The following CPE variants were observed in gnomAD, a reference collection of about 807,000 sequenced individuals.
CPE encodes the protein carbocypeptidase E.
In CPE, 17 loss-of-function variants were observed where a neutral mutation model predicts 53.5. That is an observed-to-expected ratio of 0.32 (90% CI 0.22 to 0.48). The LOEUF is 0.48. Among genes scored for constraint, CPE ranks in the 20% least tolerant of loss-of-function variants. The pLI is 0.99. For missense variants in CPE, 524 were observed against 614.7 expected, an observed-to-expected ratio of 0.85 and a Z score of 1.56; for synonymous variants, 226 against 228.8, an observed-to-expected ratio of 0.99 and a Z score of 0.11.
At chr4:165,456,607 C>G (rs1359095688) in intron 1 of CPE, among the ~76,000 whole-genome samples, 1 of 151,976 alleles carries the variant, frequency 6.6e-6, no homozygotes, top group Non-Finnish European at 1.5e-5. Context: ...TGCTCTGTCG[C>G]CCAGGCTGGA....
intron 4 of CPE, 32 bp downstream of exon 4, chr4:165,482,391 C>A: frequency 2.1e-6 from 3 of 1,449,290 alleles, no homozygotes; most frequent in South Asian, 1.1e-5. Flanking sequence ...CTTATTGGTT[C>A]AAAGTTTATA....
chr4:165,440,112 A>ATG (rs1250972673), intron 1 of CPE, among the ~76,000 whole-genome samples: 2 of 152,048 alleles, frequency 1.3e-5, no homozygotes. Context: ...AACATTGTGC[A>ATG]TGTGTGTGTG....
At chr4:165,419,087 C>T (rs1436674307) in intron 1 of CPE, among the ~76,000 whole-genome samples, 1 of 152,154 alleles carries the variant, frequency 6.6e-6, no homozygotes, top group African/African-American at 2.4e-5. Flanking sequence ...AGGGTTTTTA[C>T]AACTCTTTTC....
intron 5 of CPE, among the ~76,000 whole-genome samples, chr4:165,487,138 T>C (rs1456706444): frequency 6.6e-6 from 1 of 152,212 alleles, no homozygotes; most frequent in Middle Eastern, 3.2e-3. Context: ...TCTTTTACCC[T>C]GTTGTCTTCT....
chr4:165,408,113 T>C (rs1394740306), intron 1 of CPE, among the ~76,000 whole-genome samples: 1 of 152,246 alleles, frequency 6.6e-6, no homozygotes, highest in Non-Finnish European at 1.5e-5. Context: ...GTGTGTTGTC[T>C]CCTTACTTTC....
At chr4:165,424,878 A>AATTTTTT (rs1579255242) in intron 1 of CPE, among the ~76,000 whole-genome samples, 1 of 109,830 alleles carries the variant, frequency 9.1e-6, no homozygotes. Flanking sequence ...AAAAGTAGAA[A>AATTTTTT]CTTTTTTTTT....
chr4:165,401,274 A>G (rs1359137665), intron 1 of CPE, among the ~76,000 whole-genome samples: 1 of 152,196 alleles, frequency 6.6e-6, no homozygotes, highest in Non-Finnish European at 1.5e-5. Flanking sequence ...CTCACTCATA[A>G]CAACAGGTGC....
rs1263608800 is a variant in CPE at position 165,481,051 on chromosome 4, C to A, written c.673-1191C>A. On this transcript the variant is annotated intron_variant, in intron 3 of 8. Coordinates refer to ENST00000402744, the MANE Select transcript of CPE (RefSeq NM_001873.4). ...TTTTTTTTAGCAAAAATAAGATCTA[C>A]CAACCAAATGAAAAATAATAAAAAC... Among the ~76,000 whole-genome samples, 5 of 136,736 alleles carry A rather than the reference C, an allele frequency of 3.7e-5. No individual in the cohort carries two copies. In the Admixed American group the frequency reaches 3.9e-4, roughly 11 times the overall value. 89.7% of individuals were successfully genotyped at this position (136,736 alleles called of 152,430 possible).
Position 165,414,708 on chromosome 4 carries a change from CACAT to C in CPE, c.307+35184_307+35187del, listed in dbSNP as rs1221603715. ...TAATATATATATATACACACACACA[CACAT>C]ACACACACACACATATTTACATATA... On this transcript the variant is annotated intron_variant, in intron 1 of 8. Transcript: ENST00000402744. Among the ~76,000 whole-genome samples, 4 of 145,746 alleles carry C rather than the reference CACAT, an allele frequency of 2.7e-5. No homozygotes were observed. In the East Asian group the frequency reaches 8.1e-4, roughly 29 times the overall value.
chr4:165,453,940 GA>G (rs1348527498), intron 1 of CPE, among the ~76,000 whole-genome samples: 3 of 151,816 alleles, frequency 2.0e-5, no homozygotes, highest in African/African-American at 7.3e-5. Context: ...CTCACTTTTT[GA>G]AATGCAAGCA....
At chr4:165,466,775 C>A (rs952620899) in intron 2 of CPE, among the ~76,000 whole-genome samples, 1 of 152,176 alleles carries the variant, frequency 6.6e-6, no homozygotes, top group Non-Finnish European at 1.5e-5. Flanking sequence ...CTTGGCCTCT[C>A]AAAGTGCTGG....
At chr4:165,458,429 C>A (rs1731938923) in intron 1 of CPE, among the ~76,000 whole-genome samples, 1 of 152,160 alleles carries the variant, frequency 6.6e-6, no homozygotes, top group Admixed American at 6.5e-5. Context: ...AAATATATAA[C>A]TTCCAAATGA....
At position 165,462,418 on chromosome 4, in the gene CPE, A is replaced by T. The variant is rs115317291; in HGVS notation, c.308-1972A>T. ...TGTGGGCCAAGCTTTATTGAGTGAC[A>T]TGAAGCTTCAAAGTTGTTTTGGGGA... On this transcript the variant is annotated intron_variant, in intron 1 of 8. Coordinates refer to ENST00000402744, the MANE Select transcript of CPE (RefSeq NM_001873.4). 7.7e-3 allele frequency among the ~76,000 whole-genome samples: 1,165 copies of T among 152,282 alleles called. 9 individuals carry two copies. Among genetic ancestry groups the T allele is most frequent in the African/African-American group, 0.027 (1,112 of 41,570 alleles).
intron 5 of CPE, among the ~76,000 whole-genome samples, chr4:165,484,973 T>A (rs965005248): frequency 6.6e-6 from 1 of 152,170 alleles, no homozygotes; most frequent in Non-Finnish European, 1.5e-5. Flanking sequence ...GGTAAATATA[T>A]ATTTTAGAGG....
At chr4:165,437,125 A>G (rs1350730714) in intron 1 of CPE, among the ~76,000 whole-genome samples, 1 of 152,174 alleles carries the variant, frequency 6.6e-6, no homozygotes, top group African/African-American at 2.4e-5. Flanking sequence ...TCAGAAGAAT[A>G]AATTCCCACA....
chr4:165,497,713 A>AT lies in CPE; in HGVS notation c.*109dup. ...TGCAGTTAATACTTAACATTGATTT[A>AT]TTTTTTAATCATTTAAATATTAATC... is the stretch of plus-strand genomic sequence containing the variant. On this transcript the variant is annotated 3_prime_UTR_variant, in exon 9 of 9. Coordinates refer to ENST00000402744, the MANE Select transcript of CPE (RefSeq NM_001873.4). 1 of 476,406 alleles carries AT rather than the reference A, an allele frequency of 2.1e-6. No homozygotes were observed. Among genetic ancestry groups the AT allele is most frequent in the Non-Finnish European group, 3.4e-6 (1 of 292,374 alleles). 29.5% of individuals were successfully genotyped at this position (476,406 alleles called of 1,614,324 possible). A position where few individuals can be genotyped will look rare whatever the true frequency, so the allele number is the denominator to read the frequency against.
intron 1 of CPE, among the ~76,000 whole-genome samples, chr4:165,381,045 A>G (rs138784315): frequency 3.3e-5 from 5 of 152,346 alleles, no homozygotes; most frequent in South Asian, 4.1e-4. Context: ...TGCTTACTTA[A>G]TGAGAACCCT....
intron 1 of CPE, among the ~76,000 whole-genome samples, chr4:165,443,960 G>A (rs868701043): frequency 1.3e-5 from 2 of 152,082 alleles, no homozygotes; most frequent in African/African-American, 2.4e-5. Context: ...TACCATCTAC[G>A]AACCATAAAG....
At chr4:165,406,023 C>T in intron 1 of CPE, 1 of 755,732 alleles carries the variant, frequency 1.3e-6, no homozygotes. Flanking sequence ...TTGCAAGTGG[C>T]TAAAATGTTG....
Sources: gnomAD v4.1 joint callset for allele counts (sites outside exome capture counted in the v4.1 genomes callset) on GRCh38, gnomAD v4.1.1 for gene constraint, MANE v1.5 for transcripts, NCBI Gene and HGNC (gene_info 2026-07-23, HGNC 2026-07-21) for gene names.